Variants in WDR91 observed in about 807,000 individuals in gnomAD.
WDR91 encodes WD repeat-containing protein 91.
A neutral mutation model predicts 88.4 loss-of-function variants in WDR91; 52 were observed. The ratio of observed to expected loss-of-function variants is 0.59; its 90% confidence interval spans 0.47 to 0.74. WDR91 has a LOEUF of 0.74. Ranked by LOEUF, WDR91 falls within the 30% of genes least tolerant of loss-of-function variation. WDR91 has a pLI of 0.00. For synonymous variants in WDR91, 362 were observed against 389.5 expected (o/e 0.93, Z 0.83); for missense variants, 824 against 954.5 (o/e 0.86, Z 1.80).
At chr7:135,193,885 C>CA (rs1831268122) in intron 9 of WDR91, 2 of 561,730 alleles carry the variant, frequency 3.6e-6, no homozygotes, top group Admixed American at 3.1e-5. Context: ...AGCAAAACCA[C>CA]AAAAAGTATC....
chr7:135,203,681 A>G (rs891709139), intron 6 of WDR91, among the ~76,000 whole-genome samples: 1 of 152,194 alleles, frequency 6.6e-6, no homozygotes, highest in Non-Finnish European at 1.5e-5. Context: ...TCAAAATTCT[A>G]ATTGCCTGAA....
intron 3 of WDR91, chr7:135,207,507 G>C: frequency 2.4e-6 from 1 of 419,554 alleles, no homozygotes; most frequent in Admixed American, 2.6e-5. Context: ...GAAGCAAAGA[G>C]CTAGCATCCA....
At position 135,198,001 on chromosome 7, in the gene WDR91, T is replaced by G. The variant is rs751700710; in HGVS notation, c.1042A>C (p.Thr348Pro). Residue 348 changes from threonine (T) to proline (P), a missense_variant, in exon 7 of 15, where the codon ACT becomes CCT. Coordinates refer to ENST00000354475, the MANE Select transcript of WDR91 (RefSeq NM_014149.4). ...KERKELFSTT[T>P]SQCAEKKPEA... is the part of the protein sequence containing the mutation. ...TCAGGACAACCCCATACCTGGGAAG[T>G]GGTTGTGGAGAAAAGCTCCTTCCTC... 1 of 1,613,916 alleles carries G rather than the reference T, an allele frequency of 6.2e-7. No individual in the cohort carries two copies. Among genetic ancestry groups the G allele is most frequent in the South Asian group, 1.1e-5 (1 of 91,066 alleles).
intron 9 of WDR91, among the ~76,000 whole-genome samples, chr7:135,194,216 C>T (rs1026592162): frequency 3.9e-4 from 60 of 152,240 alleles, no homozygotes; most frequent in African/African-American, 1.2e-3. Context: ...AATAATAGTG[C>T]CAGAGGAAAG....
At position 135,184,576 on chromosome 7, in the gene WDR91, T is replaced by C. The variant is rs377570288; in HGVS notation, c.*1575A>G. ...TTCCTCCTCACCTAGTGGGAAGATA[T>C]GCCTCTTCAAGGTCCCACCCCAGCC... On this transcript the variant is annotated 3_prime_UTR_variant, in exon 15 of 15. Transcript: ENST00000354475. The C allele has an allele frequency of 1.3e-5, 2 of 152,364 alleles. No individual in the cohort carries two copies. Among genetic ancestry groups the C allele is most frequent in the African/African-American group, 4.8e-5 (2 of 41,442 alleles). The allele number at this position is 152,364 out of a possible 1,614,324, so 9.4% of individuals were successfully genotyped here.
At chr7:135,210,208 G>A (rs549274492) in intron 1 of WDR91, among the ~76,000 whole-genome samples, 1 of 152,298 alleles carries the variant, frequency 6.6e-6, no homozygotes, top group East Asian at 1.9e-4. Flanking sequence ...AAATTAGCTG[G>A]ACGTGGTGGC....
In WDR91 at chr7:135,207,165, C is replaced by A; in HGVS notation, c.549G>T (p.Gln183His). The A allele has an allele frequency of 6.2e-7, 1 of 1,608,562 alleles. No homozygotes were observed. The highest frequency in any genetic ancestry group is 1.1e-5 in the South Asian group (1 of 90,984). Reference protein sequence around the residue: ...PVILNFDAECQRTNQVQEENE... With the variant: ...PVILNFDAECHRTNQVQEENE... ...TTTCTTCTTGAACCTGGTTAGTCCT[C>A]TGACACTCCGCATCAAAGTTCAGGA... The change falls in exon 4 of 15, where the codon CAG becomes CAT. Residue 183 changes from glutamine (Q) to histidine (H), a missense_variant. Physicochemically the swap from Gln to His is conservative, Grantham distance 24 (BLOSUM62 0). Coordinates refer to ENST00000354475, the MANE Select transcript of WDR91 (RefSeq NM_014149.4).
rs976619697 is a variant in WDR91 at position 135,188,296 on chromosome 7, T to C, written c.1881+137A>G. The C allele has an allele frequency of 1.4e-5, 9 of 659,630 alleles. No homozygotes were observed. The East Asian group carries it at 1.6e-4, about 12-fold the overall frequency. The allele number at this position is 659,630 out of a possible 1,614,324, so 40.9% of individuals were successfully genotyped here. On this transcript the variant is annotated intron_variant, in intron 13 of 14. Transcript: ENST00000354475. ...CAAAGATTGTAAGACGAATTACTAG[T>C]TTATCCCTATTCTACAGATAACAAA... is the stretch of plus-strand genomic sequence containing the variant.
intron 5 of WDR91, 49 bp from the exon 6 acceptor site, chr7:135,204,482 A>G: frequency 6.3e-7 from 1 of 1,598,956 alleles, no homozygotes; most frequent in East Asian, 2.2e-5. Context: ...CAGGATGTGG[A>G]AAAACCAAGA....
At position 135,211,373 on chromosome 7, in the gene WDR91, C is replaced by T. The variant is rs372780238; in HGVS notation, c.123+7G>A. The T allele has an allele frequency of 3.1e-6, 5 of 1,606,012 alleles. No homozygotes were observed. The African/African-American group carries it at 6.8e-5, about 22-fold the overall frequency. ...CTCTGCCCGCGCCGCTCCCGCCGGCCTCTCACCCGGAACCCCTTCTCCTTG... is the reference window on the plus strand; with the variant it reads ...CTCTGCCCGCGCCGCTCCCGCCGGCTTCTCACCCGGAACCCCTTCTCCTTG... On this transcript the variant is annotated splice_region_variant and intron_variant, in intron 1 of 14. Transcript: ENST00000354475.
In WDR91 at chr7:135,193,416, C is replaced by T. The variant is rs766493173; in HGVS notation, c.1491-17G>A. The T allele has an allele frequency of 1.2e-6, 2 of 1,613,428 alleles. No individual in the cohort carries two copies. Among genetic ancestry groups the T allele is most frequent in the Non-Finnish European group, 8.5e-7 (1 of 1,179,584 alleles). Reference sequence around the variant, plus strand: ...GACAGGATTCTGCAACACACATGGGCCTGGGTCAGACCCTCTGCCTGCCCA... The same window carrying T: ...GACAGGATTCTGCAACACACATGGGTCTGGGTCAGACCCTCTGCCTGCCCA... On this transcript the variant is annotated splice_polypyrimidine_tract_variant and intron_variant, in intron 10 of 14. Transcript: ENST00000354475.
chr7:135,193,641 C>T lies in WDR91; in HGVS notation c.1427G>A (p.Arg476His), dbSNP rs1350967476. The T allele has an allele frequency of 7.4e-6, 12 of 1,614,000 alleles. No homozygotes were observed. Among genetic ancestry groups the T allele is most frequent in the South Asian group, 5.5e-5 (5 of 91,070 alleles). The change falls in exon 10 of 15, where the codon CGT (arginine) becomes CAT (histidine). Residue 476 changes from arginine (R) to histidine (H), a missense_variant. Arg to His is a conservative substitution (Grantham distance 29, BLOSUM62 0). Transcript: ENST00000354475. ...LLLGSGVGTVRLYDTEAKKNL... is the reference protein window; with the variant it reads ...LLLGSGVGTVHLYDTEAKKNL... Reference sequence around the variant, plus strand: ...CTTCTTGGCTTCCGTGTCATAGAGACGCACTGTTCCCACACCACTGCCCAG... The same window carrying T: ...CTTCTTGGCTTCCGTGTCATAGAGATGCACTGTTCCCACACCACTGCCCAG...
At position 135,204,162 on chromosome 7, in the gene WDR91, C is replaced by T. The variant is rs1253041643; in HGVS notation, c.891+106G>A. The T allele has an allele frequency of 3.0e-6, 4 of 1,340,878 alleles. No homozygotes were observed. In the African/African-American group the frequency reaches 5.9e-5, roughly 20 times the overall value. The allele number at this position is 1,340,878 out of a possible 1,614,324, so 83.1% of individuals were successfully genotyped here. ...TCATCAACATGCCCAAGAAATCAGTCCTAAAAGGAGGGCAAACAAGTCTAC... is the reference window on the plus strand; with the variant it reads ...TCATCAACATGCCCAAGAAATCAGTTCTAAAAGGAGGGCAAACAAGTCTAC... On this transcript the variant is annotated intron_variant, in intron 6 of 14. Transcript: ENST00000354475.
chr7:135,190,599 C>A (rs1831126756), intron 11 of WDR91, among the ~76,000 whole-genome samples: 1 of 151,512 alleles, frequency 6.6e-6, no homozygotes, highest in African/African-American at 2.4e-5. Flanking sequence ...CAAGCACATT[C>A]AATTGTTCAA....
At chr7:135,197,971 G>A (rs1487694484) in intron 7 of WDR91, 22 bp downstream of exon 7, 2 of 1,610,622 alleles carry the variant, frequency 1.2e-6, no homozygotes, top group Non-Finnish European at 1.7e-6. Context: ...TGTCCCCAGG[G>A]GTGTTCAGGA....
rs145901674 is a variant in WDR91 at position 135,186,311 on chromosome 7, C to T, written c.2084G>A (p.Gly695Asp). 1.2e-6 allele frequency: 2 copies of T among 1,611,650 alleles called. No individual in the cohort carries two copies. The highest frequency in any genetic ancestry group is 2.2e-5 in the East Asian group (1 of 44,650). ...GCTCTCCAGAACCTTCTCATCGCCA[C>T]CCAGCTGCAAGAGGACAGGAAAGAG... is the stretch of plus-strand genomic sequence containing the variant. Reference protein sequence around the residue: ...SATGGVIYKLGGDEKVLESCL... With the variant: ...SATGGVIYKLDGDEKVLESCL... Residue 695 changes from glycine (G) to aspartate (D), a missense_variant, in exon 15 of 15, where the codon GGT becomes GAT. Transcript: ENST00000354475.
intron 11 of WDR91, 125 bp downstream of exon 11, chr7:135,193,106 A>G: frequency 1.4e-6 from 2 of 1,392,408 alleles, no homozygotes; most frequent in Non-Finnish European, 1.9e-6. Context: ...CTACTTTTCA[A>G]CACTCAAAAC....
At chr7:135,205,879 T>C in intron 5 of WDR91, 49 bp downstream of exon 5, 1 of 1,610,426 alleles carries the variant, frequency 6.2e-7, no homozygotes. Context: ...ACTGTGGGGC[T>C]GAGAGCACAG....
intron 2 of WDR91, 40 bp from the exon 3 acceptor site, chr7:135,209,038 CAG>C: frequency 9.5e-6 from 15 of 1,579,460 alleles, no homozygotes; most frequent in Non-Finnish European, 1.3e-5. Context: ...GGAGGAGAGA[CAG>C]AAATCCAGAG....
Sources: gnomAD v4.1 joint callset for allele counts (sites outside exome capture counted in the v4.1 genomes callset) on GRCh38, gnomAD v4.1.1 for gene constraint, MANE v1.5 for transcripts, NCBI Gene and HGNC (gene_info 2026-07-23, HGNC 2026-07-21) for gene names.